WDR93: variants seen among roughly 807,000 people sequenced by gnomAD.
WDR93 encodes WD repeat domain 93, also known as WD repeat-containing protein 93.
In WDR93, 73 loss-of-function variants were observed where a neutral mutation model predicts 82.9. The ratio of observed to expected loss-of-function variants is 0.88; its 90% CI spans 0.73 to 1.07. WDR93 has a LOEUF of 1.07. WDR93 is among the 50% of genes least tolerant of loss of function. The pLI is 0.00. For synonymous variants in WDR93, 283 were observed against 300.1 expected (o/e 0.94, Z 0.59); for missense variants, 738 against 826.0 (o/e 0.89, Z 1.31).
intron 4 of WDR93, among the ~76,000 whole-genome samples, chr15:89,710,406 A>G (rs1965923312): frequency 6.6e-6 from 1 of 152,224 alleles, no homozygotes; most frequent in Admixed American, 6.5e-5. Flanking sequence ...AGCGATGGAA[A>G]GCAGAACATT....
chr15:89,716,896 C>A lies in WDR93; in HGVS notation c.757-15C>A, dbSNP rs749861132. ...TCAAACCTATTGTGAATTAATTTCT[C>A]ATTTTTCTTCTCAGAACTCCCTTGG... is the stretch of plus-strand genomic sequence containing the variant. On this transcript the variant is annotated splice_polypyrimidine_tract_variant and intron_variant, in intron 6 of 16. Coordinates refer to ENST00000268130, the MANE Select transcript of WDR93 (RefSeq NM_020212.2). 1 of 1,550,312 alleles carries A rather than the reference C, an allele frequency of 6.5e-7. No individual in the cohort carries two copies. The highest frequency in any genetic ancestry group is 1.9e-5 in the Admixed American group (1 of 53,382).
intron 7 of WDR93, among the ~76,000 whole-genome samples, chr15:89,719,992 G>T (rs1344781970): frequency 6.6e-6 from 1 of 151,764 alleles, no homozygotes; most frequent in Non-Finnish European, 1.5e-5. Context: ...TAGAGACGGG[G>T]TCTCACCATC....
chr15:89,705,350 C>T, intron 3 of WDR93: 1 of 573,498 alleles, frequency 1.7e-6, no homozygotes. Flanking sequence ...GGAGAGGACC[C>T]AGGAAGGAAA....
rs1966887028 is a variant in WDR93 at position 89,732,999 on chromosome 15, T to C, written c.1331-7T>C. On this transcript the variant is annotated splice_polypyrimidine_tract_variant and splice_region_variant and intron_variant, in intron 12 of 16. Transcript: ENST00000268130. ...TTCTGACCGGCTTGTGTGATTACTT[T>C]CTCTAGGATTCCCTCTTGGGGTCGC... 3.7e-6 allele frequency: 6 copies of C among 1,613,762 alleles called. No homozygotes were observed. The highest frequency in any genetic ancestry group is 5.1e-6 in the Non-Finnish European group (6 of 1,179,786).
intron 16 of WDR93, among the ~76,000 whole-genome samples, 167 bp downstream of exon 16, chr15:89,738,403 G>A (rs1042587746): frequency 3.3e-5 from 5 of 152,162 alleles, no homozygotes; most frequent in Non-Finnish European, 7.3e-5. Flanking sequence ...GAGGCAGGCG[G>A]ATCACCTGAG....
chr15:89,690,735 G>T (rs1457980000), upstream of WDR93: 11 of 798,332 alleles, frequency 1.4e-5, no homozygotes, highest in Non-Finnish European at 2.2e-5. Flanking sequence ...ATCCGCTGAG[G>T]GGGAGGGGCT....
chr15:89,714,904 G>A, intron 5 of WDR93, 76 bp from the exon 6 acceptor site: 1 of 1,272,092 alleles, frequency 7.9e-7, no homozygotes, highest in South Asian at 1.3e-5. Flanking sequence ...GTTCTAAGAA[G>A]AAGACAGGCC....
chr15:89,739,115 C>CAA lies in WDR93; in HGVS notation c.1961+895_1961+896dup, dbSNP rs763514909. On this transcript the variant is annotated intron_variant, in intron 16 of 16. Coordinates refer to ENST00000268130, the MANE Select transcript of WDR93 (RefSeq NM_020212.2). ...TGGGTGACAGAGTCAGACCCTGCCT[C>CAA]AAAAAAAAAAAAAAAAAGTATGTTT... is the stretch of plus-strand genomic sequence containing the variant. Among the ~76,000 whole-genome samples the CAA allele has an allele frequency of 2.1e-4, 27 of 127,232 alleles. No individual in the cohort carries two copies. In the East Asian group the frequency reaches 5.8e-3, roughly 27 times the overall value. The allele number at this position is 127,232 out of a possible 152,430, so 83.5% of individuals were successfully genotyped here.
chr15:89,735,360 C>T, intron 13 of WDR93, 130 bp from the exon 14 acceptor site: 1 of 808,964 alleles, frequency 1.2e-6, no homozygotes, highest in Non-Finnish European at 2.0e-6. Context: ...TAATTTTTTG[C>T]TACTATGAAC....
intron 4 of WDR93, among the ~76,000 whole-genome samples, chr15:89,710,033 G>C (rs1012440173): frequency 6.6e-6 from 1 of 152,092 alleles, no homozygotes; most frequent in Non-Finnish European, 1.5e-5. Flanking sequence ...GCTGGCACGC[G>C]CCTGTAGTCC....
At chr15:89,727,050 G>C (rs991647359) in intron 8 of WDR93, 107 bp from the exon 9 acceptor site, 70 of 1,297,528 alleles carry the variant, frequency 5.4e-5, no homozygotes, top group Non-Finnish European at 7.3e-5. Context: ...ATCGATTTCT[G>C]AGGCTGAGGG....
chr15:89,732,787 T>G (rs925954078), intron 12 of WDR93, among the ~76,000 whole-genome samples: 2 of 151,966 alleles, frequency 1.3e-5, no homozygotes, highest in African/African-American at 4.8e-5. Flanking sequence ...CTTCTCCCCC[T>G]CCCCAATTCC....
intron 1 of WDR93, among the ~76,000 whole-genome samples, chr15:89,695,481 C>G (rs1377911538): frequency 6.6e-6 from 1 of 152,136 alleles, no homozygotes; most frequent in Non-Finnish European, 1.5e-5. Flanking sequence ...ATTACAGGTG[C>G]AAGCCACCTT....
In WDR93 at chr15:89,735,508, T is replaced by C. The variant is rs1411518505; in HGVS notation, c.1563T>C (p.Asp521=). The part of the protein sequence containing the change: ...VLVERPVKHL[D]KTICAVAPVP... Reference sequence around the variant, plus strand: ...CCTATAGGCCTGTAAAGCACCTGGATAAAACCATCTGTGCCGTGGCCCCAG... The same window carrying C: ...CCTATAGGCCTGTAAAGCACCTGGACAAAACCATCTGTGCCGTGGCCCCAG... Residue 521 remains aspartate (D), a synonymous_variant, in exon 14 of 17, where the codon GAT becomes GAC. Coordinates refer to ENST00000268130, the MANE Select transcript of WDR93 (RefSeq NM_020212.2). 1 of 1,614,054 alleles carries C rather than the reference T, an allele frequency of 6.2e-7. No individual in the cohort carries two copies. The highest frequency in any genetic ancestry group is 8.5e-7 in the Non-Finnish European group (1 of 1,180,028).
intron 16 of WDR93, among the ~76,000 whole-genome samples, chr15:89,739,179 C>T (rs1035794791): frequency 8.6e-5 from 13 of 151,628 alleles, no homozygotes; most frequent in African/African-American, 3.2e-4. Flanking sequence ...GGTTGGCAAA[C>T]TATGACCTGT....
chr15:89,699,546 T>A (rs1032820293), intron 1 of WDR93, among the ~76,000 whole-genome samples: 14 of 152,082 alleles, frequency 9.2e-5, no homozygotes, highest in African/African-American at 3.4e-4. Context: ...TTCTACAAAA[T>A]TTTTTTCTGT....
In WDR93 at chr15:89,720,743, C is replaced by T. The variant is rs1300677112; in HGVS notation, c.796-1312C>T. On this transcript the variant is annotated intron_variant, in intron 7 of 16. Coordinates refer to ENST00000268130, the MANE Select transcript of WDR93 (RefSeq NM_020212.2). ...TAAGTTTATTTAGATTTGTTTTATTCCCACAATGTGGATTATATTGGTAAG... is the reference window on the plus strand; with the variant it reads ...TAAGTTTATTTAGATTTGTTTTATTTCCACAATGTGGATTATATTGGTAAG... Among the ~76,000 whole-genome samples, 7 of 151,998 alleles carry T rather than the reference C, an allele frequency of 4.6e-5. No homozygotes were observed. The East Asian group carries it at 1.3e-3, about 29-fold the overall frequency.
chr15:89,743,005 G>A (rs899594829), intron 16 of WDR93, among the ~76,000 whole-genome samples: 1 of 152,236 alleles, frequency 6.6e-6, no homozygotes, highest in Non-Finnish European at 1.5e-5. Flanking sequence ...GTTCCGTTGT[G>A]TGTAATACCA....
At chr15:89,740,480 C>T (rs1351163061) in intron 16 of WDR93, among the ~76,000 whole-genome samples, 1 of 152,062 alleles carries the variant, frequency 6.6e-6, no homozygotes, top group Non-Finnish European at 1.5e-5. Flanking sequence ...CTATTCTTCA[C>T]AGGGAGGGTT....
Sources: allele counts gnomAD v4.1 joint callset (sites outside exome capture counted in the v4.1 genomes callset), GRCh38; gene constraint gnomAD v4.1.1; transcripts MANE v1.5; gene names NCBI Gene and HGNC (gene_info 2026-07-23, HGNC 2026-07-21).